FOXK2: variants seen among roughly 807,000 people sequenced by gnomAD.
FOXK2 encodes forkhead box protein K2.
Under a neutral mutation model 53.3 loss-of-function variants are expected in FOXK2, and 24 were observed. That is an observed-to-expected ratio of 0.45 (90% CI 0.33 to 0.63). FOXK2 has a LOEUF of 0.63. Ranked by LOEUF, FOXK2 falls within the 30% of genes least tolerant of loss-of-function variation. The probability of loss-of-function intolerance (pLI) is 0.03; values close to 1 mark genes in which losing one functional copy is unlikely to be tolerated. For synonymous variants in FOXK2, 505 were observed against 407.1 expected (o/e 1.24, Z -2.89); for missense variants, 952 against 910.5 (o/e 1.05, Z -0.59).
rs1156539655 is a variant in FOXK2 at position 82,555,680 on chromosome 17, C to G, written c.420-7674C>G. ...CGGGCGGATCACAAGGTCAGGAGAT[C>G]GAGACCATCCTGGCTAACATGGTGA... On this transcript the variant is annotated intron_variant, in intron 1 of 8. Transcript: ENST00000335255. Among the ~76,000 whole-genome samples, 8 of 145,270 alleles carry G rather than the reference C, an allele frequency of 5.5e-5. 1 individual carries two copies. In the South Asian group the frequency reaches 1.7e-3, roughly 32 times the overall value.
intron 3 of FOXK2, among the ~76,000 whole-genome samples, chr17:82,568,514 C>T (rs878822): frequency 0.15 from 22,571 of 152,154 alleles, 2,136 homozygotes; most frequent in East Asian, 0.31. Flanking sequence ...GTGTTTGTGC[C>T]GGAGTTTATC....
At chr17:82,527,330 G>A (rs2144044128) in intron 1 of FOXK2, among the ~76,000 whole-genome samples, 1 of 152,146 alleles carries the variant, frequency 6.6e-6, no homozygotes, top group South Asian at 2.1e-4. Context: ...GGTAGAGATA[G>A]CTTTTAAAGA....
chr17:82,577,195 A>G (rs1416536652), intron 4 of FOXK2: 8 of 1,058,002 alleles, frequency 7.6e-6, no homozygotes, highest in Non-Finnish European at 8.5e-6. Context: ...AAATGTATTC[A>G]TTAAAAATAG....
Position 82,601,656 on chromosome 17 carries a change from C to T in FOXK2, c.*157C>T, listed in dbSNP as rs1380147548. On this transcript the variant is annotated 3_prime_UTR_variant, in exon 9 of 9. Transcript: ENST00000335255. ...AGCTGGCCTTAACACTCCTTAAAGA[C>T]AGAAGTCACACTTGAACAAAACCCA... is the stretch of plus-strand genomic sequence containing the variant. The T allele has an allele frequency of 3.1e-6, 2 of 654,030 alleles. No homozygotes were observed. Among genetic ancestry groups the T allele is most frequent in the Admixed American group, 3.0e-5 (1 of 33,492 alleles). 40.5% of individuals were successfully genotyped at this position (654,030 alleles called of 1,614,324 possible).
chr17:82,600,844 T>A, intron 8 of FOXK2: 1 of 71,546 alleles, frequency 1.4e-5, no homozygotes, highest in South Asian at 2.8e-4. Flanking sequence ...CTTGTGCGGG[T>A]GGTGGGGGGG....
chr17:82,569,658 T>C (rs188638104), intron 3 of FOXK2, among the ~76,000 whole-genome samples: 1 of 152,260 alleles, frequency 6.6e-6, no homozygotes, highest in East Asian at 1.9e-4. Flanking sequence ...TAGAAAAAAA[T>C]CACAGGGAAG....
chr17:82,587,207 CTG>C lies in FOXK2; in HGVS notation c.1723_1724del (p.Val575AsnfsTer47). On this transcript the variant is annotated frameshift_variant, in exon 8 of 9. Transcript: ENST00000335255. LOFTEE classifies it high-confidence loss of function. ...GGTCAACACCAGCTACCAATAAAAACTGTAACACAAAACGGCACTCACGTGGC... is the reference window on the plus strand; with the variant it reads ...GGTCAACACCAGCTACCAATAAAAACTAACACAAAACGGCACTCACGTGGC... 1.9e-6 allele frequency: 3 copies of C among 1,613,120 alleles called. No individual in the cohort carries two copies. The highest frequency in any genetic ancestry group is 2.5e-6 in the Non-Finnish European group (3 of 1,180,012).
chr17:82,567,926 CTTTTTTTT>C (rs3065019), intron 2 of FOXK2, 120 bp from the exon 3 acceptor site: 5,848 of 421,676 alleles, frequency 0.014, 23 homozygotes, highest in South Asian at 0.032. Flanking sequence ...TATTCTCTTC[CTTTTTTTT>C]TTTTTTTTTT....
At position 82,586,303 on chromosome 17, in the gene FOXK2, GC is replaced by G. The variant is rs66791901; in HGVS notation, c.1576+105del. ...GAGACCACAGGGAGGTCAAAGGTGG[GC>G]CGGGGGGGAAAGGAGGAGAGGGGAG... On this transcript the variant is annotated intron_variant, in intron 7 of 8. Transcript: ENST00000335255. 2,852 of 324,174 alleles carry G rather than the reference GC, an allele frequency of 8.8e-3. 317 individuals carry two copies. The highest frequency in any genetic ancestry group is 0.02 in the Admixed American group (360 of 17,680). The allele number at this position is 324,174 out of a possible 1,614,324, so 20.1% of individuals were successfully genotyped here. A position where few individuals can be genotyped will look rare whatever the true frequency, so the allele number is the denominator to read the frequency against.
chr17:82,520,149 C>A lies in FOXK2; in HGVS notation c.261C>A (p.Gly87=). 2.0e-6 allele frequency: 3 copies of A among 1,519,722 alleles called. No homozygotes were observed. The highest frequency in any genetic ancestry group is 2.6e-6 in the Non-Finnish European group (3 of 1,133,406). 94.1% of individuals were successfully genotyped at this position (1,519,722 alleles called of 1,614,324 possible). A position where few individuals can be genotyped will look rare whatever the true frequency, so the allele number is the denominator to read the frequency against. ...RRHLEIFTPP[G]GGGHGGAAPE... Reference sequence around the variant, plus strand: ...ACCTCGAGATCTTCACGCCCCCGGGCGGCGGCGGCCATGGCGGGGCCGCTC... The same window carrying A: ...ACCTCGAGATCTTCACGCCCCCGGGAGGCGGCGGCCATGGCGGGGCCGCTC... Residue 87 remains glycine (G), a synonymous_variant, in exon 1 of 9, where the codon GGC becomes GGA. Transcript: ENST00000335255.
chr17:82,529,534 C>T (rs1016064265), intron 1 of FOXK2, among the ~76,000 whole-genome samples: 3 of 151,906 alleles, frequency 2.0e-5, no homozygotes, highest in African/African-American at 4.8e-5. Flanking sequence ...GGATTACAGG[C>T]GCGTGCCCAC....
intron 1 of FOXK2, among the ~76,000 whole-genome samples, chr17:82,524,660 G>A (rs184630257): frequency 4.6e-4 from 70 of 152,332 alleles, no homozygotes; most frequent in African/African-American, 1.6e-3. Context: ...GGATACACAG[G>A]ATGCAGGGCT....
chr17:82,536,050 G>T (rs1001217958), intron 1 of FOXK2, among the ~76,000 whole-genome samples: 12 of 150,972 alleles, frequency 7.9e-5, no homozygotes, highest in Non-Finnish European at 1.8e-4. Context: ...CATTTTTTTT[G>T]TATTTTTAGT....
chr17:82,560,416 C>T (rs1324267815), intron 1 of FOXK2, among the ~76,000 whole-genome samples: 2 of 150,536 alleles, frequency 1.3e-5, no homozygotes, highest in East Asian at 2.0e-4. Context: ...AGTGGGCCAC[C>T]GTGCCCGGCC....
At chr17:82,586,857 C>T (rs967187923) in intron 7 of FOXK2, among the ~76,000 whole-genome samples, 5 of 152,018 alleles carry the variant, frequency 3.3e-5, no homozygotes, top group African/African-American at 4.8e-5. Flanking sequence ...GCTGAGATTG[C>T]GCCATTGGAC....
intron 4 of FOXK2, among the ~76,000 whole-genome samples, chr17:82,582,436 A>G (rs2143092509): frequency 6.6e-6 from 1 of 152,262 alleles, no homozygotes; most frequent in East Asian, 1.9e-4. Context: ...ACTTCCCTTG[A>G]GAATTGCTCA....
chr17:82,529,781 G>A (rs1015595288), intron 1 of FOXK2, among the ~76,000 whole-genome samples: 6 of 152,176 alleles, frequency 3.9e-5, no homozygotes, highest in Admixed American at 6.5e-5. Flanking sequence ...GGACACTCTC[G>A]GAATGCAGTT....
intron 2 of FOXK2, among the ~76,000 whole-genome samples, chr17:82,565,706 C>T (rs1356100346): frequency 6.6e-6 from 1 of 152,284 alleles, no homozygotes; most frequent in South Asian, 2.1e-4. Flanking sequence ...TGTGCTGTTG[C>T]AAGGAATGCC....
intron 4 of FOXK2, among the ~76,000 whole-genome samples, chr17:82,579,076 G>T (rs1240392613): frequency 2.3e-5 from 3 of 128,416 alleles, no homozygotes; most frequent in African/African-American, 7.6e-5. Context: ...CCCCGCTTAG[G>T]AGGACTGGTC....
Sources: gnomAD v4.1 joint callset for allele counts (sites outside exome capture counted in the v4.1 genomes callset) on GRCh38, gnomAD v4.1.1 for gene constraint, MANE v1.5 for transcripts, NCBI Gene and HGNC (gene_info 2026-07-23, HGNC 2026-07-21) for gene names.